Variants in ADAMTS2 observed in about 807,000 individuals in gnomAD.
The protein encoded by ADAMTS2 is A disintegrin and metalloproteinase with thrombospondin motifs 2.
In ADAMTS2, 50 loss-of-function variants were observed where a neutral mutation model predicts 123.0. The observed-to-expected ratio is 0.41, with a 90% confidence interval of 0.32 to 0.51. ADAMTS2 has a LOEUF of 0.51. ADAMTS2 is among the 20% of genes least tolerant of loss of function. The pLI is 0.35. For missense variants in ADAMTS2, 1,494 were observed against 1,705.2 expected (o/e 0.88, Z 2.18); for synonymous variants, 678 against 695.4 (o/e 0.98, Z 0.39).
At chr5:179,201,639 A>AAG (rs1764568600) in intron 4 of ADAMTS2, among the ~76,000 whole-genome samples, 1 of 149,720 alleles carries the variant, frequency 6.7e-6, no homozygotes, top group Non-Finnish European at 1.5e-5. Context: ...TACAAAAAAA[A>AAG]AAAAAAAAAA....
At chr5:179,291,052 AG>A (rs1195131068) in intron 2 of ADAMTS2, among the ~76,000 whole-genome samples, 3 of 152,210 alleles carry the variant, frequency 2.0e-5, no homozygotes, top group Non-Finnish European at 1.5e-5. Context: ...TTCAGGTCTC[AG>A]TGAGTGGCTT....
intron 10 of ADAMTS2, among the ~76,000 whole-genome samples, chr5:179,145,415 C>T (rs1763234781): frequency 6.6e-6 from 1 of 152,166 alleles, no homozygotes; most frequent in Non-Finnish European, 1.5e-5. Flanking sequence ...ATACTTTGTA[C>T]ACGAATGTTT....
intron 3 of ADAMTS2, among the ~76,000 whole-genome samples, chr5:179,266,172 C>T (rs1341377215): frequency 6.6e-6 from 1 of 152,192 alleles, no homozygotes; most frequent in African/African-American, 2.4e-5. Flanking sequence ...TCTCTCCATT[C>T]TCCCTTAGGA....
intron 10 of ADAMTS2, among the ~76,000 whole-genome samples, chr5:179,148,943 G>A (rs1763301919): frequency 1.0e-5 from 1 of 98,912 alleles, no homozygotes; most frequent in Non-Finnish European, 2.1e-5. Context: ...CCGGCCCCTG[G>A]GGGGTCCTAG....
intron 2 of ADAMTS2, among the ~76,000 whole-genome samples, chr5:179,318,695 T>C (rs1256457629): frequency 6.6e-6 from 1 of 151,644 alleles, no homozygotes; most frequent in Non-Finnish European, 1.5e-5. Context: ...CCAGGGCAGG[T>C]GGGGCAATGC....
At chr5:179,161,938 C>G (rs1763598929) in intron 5 of ADAMTS2, among the ~76,000 whole-genome samples, 1 of 152,152 alleles carries the variant, frequency 6.6e-6, no homozygotes. Context: ...ACAAAGGTCA[C>G]TAATAAGCGC....
chr5:179,161,802 A>G (rs1346385447), intron 5 of ADAMTS2, among the ~76,000 whole-genome samples: 1 of 152,230 alleles, frequency 6.6e-6, no homozygotes, highest in Non-Finnish European at 1.5e-5. Flanking sequence ...TACCCCAGAA[A>G]TATGTACAAT....
rs770094463 is a variant in ADAMTS2 at position 179,140,799 on chromosome 5, C to CTTTTTTTTTTTTTTTTTTT, written c.1630-783_1630-765dup. On this transcript the variant is annotated intron_variant, in intron 10 of 21. Transcript: ENST00000251582. ...TTTCCTTCAGTTCCGACTGCATGCT[C>CTTTTTTTTTTTTTTTTTTT]TTTTTTTTTTTTTTTTTTTGAGACA... 9.6e-3 allele frequency among the ~76,000 whole-genome samples: 864 copies of CTTTTTTTTTTTTTTTTTTT among 90,402 alleles called. 132 individuals carry two copies. Among genetic ancestry groups the CTTTTTTTTTTTTTTTTTTT allele is most frequent in the Non-Finnish European group, 0.014 (687 of 48,264 alleles). The allele number at this position is 90,402 out of a possible 152,430, so 59.3% of individuals were successfully genotyped here. A position where few individuals can be genotyped will look rare whatever the true frequency, so the allele number is the denominator to read the frequency against.
At chr5:179,275,410 C>T (rs997714209) in intron 2 of ADAMTS2, among the ~76,000 whole-genome samples, 13 of 152,076 alleles carry the variant, frequency 8.5e-5, no homozygotes, top group African/African-American at 2.2e-4. Context: ...GCTGAAGAAC[C>T]GGCCCCCAAA....
chr5:179,288,506 C>T (rs558760482), intron 2 of ADAMTS2, among the ~76,000 whole-genome samples: 39 of 152,360 alleles, frequency 2.6e-4, no homozygotes, highest in African/African-American at 9.4e-4. Flanking sequence ...CACTGCCCAG[C>T]CCGTGTCCCC....
At position 179,132,431 on chromosome 5, in the gene ADAMTS2, G is replaced by T; in HGVS notation, c.2210-121C>A. On this transcript the variant is annotated intron_variant, in intron 14 of 21. Coordinates refer to ENST00000251582, the MANE Select transcript of ADAMTS2 (RefSeq NM_014244.5). The surrounding 1 kb of genome is among the most constrained non-coding windows in gnomAD (Gnocchi z 6.1). ...CCTCCGGAGGCTCTCCCAGGACCCT[G>T]GTATTTCTCTGGCTTTGAGGACCCA... The T allele has an allele frequency of 9.8e-7, 1 of 1,023,608 alleles. No individual in the cohort carries two copies. The allele number at this position is 1,023,608 out of a possible 1,614,324, so 63.4% of individuals were successfully genotyped here.
In ADAMTS2 at chr5:179,111,240, T is replaced by G. The variant is rs1163198490; in HGVS notation, c.*2627A>C. The G allele has an allele frequency of 6.6e-6, 1 of 152,208 alleles. No homozygotes were observed. Among genetic ancestry groups the G allele is most frequent in the African/African-American group, 2.4e-5 (1 of 41,452 alleles). 9.4% of individuals were successfully genotyped at this position (152,208 alleles called of 1,614,324 possible). A position where few individuals can be genotyped will look rare whatever the true frequency, so the allele number is the denominator to read the frequency against. On this transcript the variant is annotated 3_prime_UTR_variant, in exon 22 of 22. Coordinates refer to ENST00000251582, the MANE Select transcript of ADAMTS2 (RefSeq NM_014244.5). ...CTCAGGGACACTGTTGCAGATTTTC[T>G]AGTGCAGCGGAAGGTCTGAGTCTCA...
At position 179,302,379 on chromosome 5, in the gene ADAMTS2, CAAAAAAAAAAAAAAA is replaced by C. The variant is rs1166990772; in HGVS notation, c.535-29330_535-29316del. On this transcript the variant is annotated intron_variant, in intron 2 of 21. Coordinates refer to ENST00000251582, the MANE Select transcript of ADAMTS2 (RefSeq NM_014244.5). ...TCTGGGCGACAGAGCAAGACCGTCT[CAAAAAAAAAAAAAAA>C]AAAAAAAAAAAAAGCGGGGGAGTGA... 4.6e-3 allele frequency among the ~76,000 whole-genome samples: 174 copies of C among 38,204 alleles called. 1 individual carries two copies. The highest frequency in any genetic ancestry group is 0.016 in the African/African-American group (152 of 9,474). 25.1% of individuals were successfully genotyped at this position (38,204 alleles called of 152,430 possible).
At position 179,199,871 on chromosome 5, in the gene ADAMTS2, A is replaced by G. The variant is rs149938397; in HGVS notation, c.891+7642T>C. ...TTGCATTTAAAATAGCCATCGCACA[A>G]TTTAAAGATGAATAAGAAATTCATG... On this transcript the variant is annotated intron_variant, in intron 4 of 21. Coordinates refer to ENST00000251582, the MANE Select transcript of ADAMTS2 (RefSeq NM_014244.5). Among the ~76,000 whole-genome samples the G allele has an allele frequency of 8.7e-3, 1,331 of 152,322 alleles. 15 individuals carry two copies. The highest frequency in any genetic ancestry group is 0.03 in the African/African-American group (1,255 of 41,560).
chr5:179,122,438 G>A (rs1470579032), intron 20 of ADAMTS2, among the ~76,000 whole-genome samples: 1 of 152,130 alleles, frequency 6.6e-6, no homozygotes, highest in East Asian at 1.9e-4. Flanking sequence ...AGCAGGGAGG[G>A]GCGAGTCAGC....
At chr5:179,137,713 G>GCCCCC in intron 12 of ADAMTS2, 56 bp downstream of exon 12, 1 of 1,188,730 alleles carries the variant, frequency 8.4e-7, no homozygotes, top group Non-Finnish European at 1.2e-6. Context: ...CCCCCACCCT[G>GCCCCC]CCCACCCTAG....
intron 2 of ADAMTS2, among the ~76,000 whole-genome samples, chr5:179,292,414 T>C (rs549412901): frequency 6.6e-6 from 1 of 151,806 alleles, no homozygotes; most frequent in South Asian, 2.1e-4. Context: ...AAGAGATAGC[T>C]CCTGAGCCTG....
chr5:179,261,796 G>A (rs570999329), intron 3 of ADAMTS2, among the ~76,000 whole-genome samples: 4 of 152,284 alleles, frequency 2.6e-5, no homozygotes, highest in South Asian at 2.1e-4. Flanking sequence ...CATTCATCCC[G>A]GCCAGTCTGG....
Position 179,137,975 on chromosome 5 carries a change from C to T in ADAMTS2, c.1776-31G>A, listed in dbSNP as rs775374175. 35 of 1,539,098 alleles carry T rather than the reference C, an allele frequency of 2.3e-5. No individual in the cohort carries two copies. In the Middle Eastern group the frequency reaches 6.7e-4, roughly 29 times the overall value. ...GGAGAAAGCAAAGGCCTTGCCGCTC[C>T]GTGCCATTGGAAAGAGGCAGCACCC... On this transcript the variant is annotated intron_variant, in intron 11 of 21. Transcript: ENST00000251582.
Sources: allele counts gnomAD v4.1 joint callset (sites outside exome capture counted in the v4.1 genomes callset), GRCh38; gene constraint gnomAD v4.1.1; non-coding constraint Gnocchi (gnomAD v3.1); transcripts MANE v1.5; gene names NCBI Gene and HGNC (gene_info 2026-07-23, HGNC 2026-07-21).